Variants in SSU72 observed in about 807,000 individuals in gnomAD.
SSU72 encodes the protein RNA polymerase II subunit A C-terminal domain phosphatase SSU72.
A neutral mutation model predicts 22.7 loss-of-function variants in SSU72; 12 were observed. That is an observed-to-expected ratio of 0.53 (90% CI 0.34 to 0.86). The LOEUF is 0.86. SSU72 is among the 40% of genes least tolerant of loss of function. The pLI is 0.02. For synonymous variants in SSU72, 116 were observed against 98.3 expected (o/e 1.18, Z -1.06); for missense variants, 151 against 249.8 (o/e 0.60, Z 2.67).
At chr1:1,573,439 A>G (rs61686644) in intron 1 of SSU72, among the ~76,000 whole-genome samples, 6 of 45,632 alleles carry the variant, frequency 1.3e-4, no homozygotes, top group East Asian at 0.01. Context: ...CAAAAAAAAA[A>G]AAAAAAAAAA....
At position 1,553,593 on chromosome 1, in the gene SSU72, G is replaced by T. The variant is rs562259913; in HGVS notation, c.225-8591C>A. Among the ~76,000 whole-genome samples, 162 of 145,340 alleles carry T rather than the reference G, an allele frequency of 1.1e-3. 2 individuals are homozygous for T. Among genetic ancestry groups the T allele is most frequent in the Non-Finnish European group, 1.9e-3 (127 of 67,206 alleles). On this transcript the variant is annotated intron_variant, in intron 2 of 4. Coordinates refer to ENST00000291386, the MANE Select transcript of SSU72 (RefSeq NM_014188.3). The stretch of plus-strand genomic sequence containing the variant: ...GATCGAGACCATCCTGGCTAACACG[G>T]TGAAACCCTGTCTCTACTAAAAATA...
intron 4 of SSU72, among the ~76,000 whole-genome samples, chr1:1,543,425 T>C (rs1193502324): frequency 6.6e-6 from 1 of 152,184 alleles, no homozygotes; most frequent in Non-Finnish European, 1.5e-5. Context: ...ACTAAGCCTG[T>C]GTTGGGGAGG....
chr1:1,563,215 T>C (rs1642617287), intron 2 of SSU72: 1 of 152,194 alleles, frequency 6.6e-6, no homozygotes, highest in South Asian at 2.1e-4. Context: ...AATCTACCTG[T>C]GTATAAGAAT....
chr1:1,542,270 C>A lies in SSU72; in HGVS notation c.484-103G>T, dbSNP rs1360862993. On this transcript the variant is annotated intron_variant, in intron 4 of 4. Transcript: ENST00000291386. This position sits in a 1 kb window ranked among gnomAD's most constrained non-coding sequence, Gnocchi z 4.4. ...AACGCCAGGCCTGAGCCAGCAGAAA[C>A]CAGCGCAGCAGGCAGGCCCTCACCC... 1.1e-5 allele frequency: 13 copies of A among 1,146,642 alleles called. No homozygotes were observed. The highest frequency in any genetic ancestry group is 1.4e-5 in the Non-Finnish European group (11 of 793,648). 71.0% of individuals were successfully genotyped at this position (1,146,642 alleles called of 1,614,324 possible). A position where few individuals can be genotyped will look rare whatever the true frequency, so the allele number is the denominator to read the frequency against.
intron 1 of SSU72, among the ~76,000 whole-genome samples, chr1:1,569,169 G>T (rs750329886): frequency 3.3e-5 from 5 of 150,228 alleles, no homozygotes; most frequent in Non-Finnish European, 5.9e-5. Flanking sequence ...ATGAGACTCC[G>T]TCTCAAAAAA....
chr1:1,560,666 T>G (rs1181745279), intron 2 of SSU72, among the ~76,000 whole-genome samples: 1 of 152,162 alleles, frequency 6.6e-6, no homozygotes, highest in African/African-American at 2.4e-5. Context: ...GCAGGCAACC[T>G]CACAGAAAGT....
At chr1:1,568,479 CTGTAA>C (rs1477802081) in intron 1 of SSU72, among the ~76,000 whole-genome samples, 19 of 152,108 alleles carry the variant, frequency 1.2e-4, no homozygotes, top group African/African-American at 3.6e-4. Context: ...TGGTGCGCGC[CTGTAA>C]TCCCAGTTAC....
intron 1 of SSU72, among the ~76,000 whole-genome samples, chr1:1,565,917 C>T (rs895161926): frequency 5.3e-5 from 8 of 152,156 alleles, no homozygotes; most frequent in Admixed American, 2.0e-4. Context: ...CTTCTGTCAT[C>T]GCTGACAAGC....
chr1:1,562,909 G>T (rs916145634), intron 2 of SSU72: 2 of 152,310 alleles, frequency 1.3e-5, no homozygotes, highest in Non-Finnish European at 2.9e-5. Context: ...ACAGTCCCTG[G>T]GGACTTACAC....
chr1:1,553,548 A>G (rs1642479252), intron 2 of SSU72, among the ~76,000 whole-genome samples: 1 of 151,240 alleles, frequency 6.6e-6, no homozygotes, highest in Admixed American at 6.6e-5. Flanking sequence ...GGCTGAGGCC[A>G]GCAGATCATA....
intron 2 of SSU72, chr1:1,546,444 G>C (rs1040212025): frequency 2.0e-5 from 3 of 152,122 alleles, no homozygotes; most frequent in Non-Finnish European, 4.4e-5. Context: ...ATGACACCCG[G>C]GTCCATCTCT....
At chr1:1,573,274 A>G (rs1171056124) in intron 1 of SSU72, among the ~76,000 whole-genome samples, 1 of 151,304 alleles carries the variant, frequency 6.6e-6, no homozygotes, top group Non-Finnish European at 1.5e-5. Context: ...ACAAAAAAAA[A>G]AAAAAATTAG....
At chr1:1,556,400 C>T (rs946573515) in intron 2 of SSU72, among the ~76,000 whole-genome samples, 7 of 152,142 alleles carry the variant, frequency 4.6e-5, no homozygotes, top group South Asian at 2.1e-4. Flanking sequence ...ATTAGCCGGA[C>T]GTGGTGGGGG....
In SSU72 at chr1:1,542,888, A is replaced by G. The variant is rs1642341364; in HGVS notation, c.484-721T>C. On this transcript the variant is annotated intron_variant, in intron 4 of 4. Transcript: ENST00000291386. The surrounding 1 kb of genome is among the most constrained non-coding windows in gnomAD (Gnocchi z 4.4). The stretch of plus-strand genomic sequence containing the variant: ...GGACCGTGAGGCACGTGGGGACCAG[A>G]AGCCATGCTGGGTGGGCCAGGCGGA... Among the ~76,000 whole-genome samples, 1 of 152,238 alleles carries G rather than the reference A, an allele frequency of 6.6e-6. No individual in the cohort carries two copies. The highest frequency in any genetic ancestry group is 1.5e-5 in the Non-Finnish European group (1 of 68,044).
chr1:1,567,075 G>A, intron 1 of SSU72, among the ~76,000 whole-genome samples: 1 of 152,302 alleles, frequency 6.6e-6, no homozygotes, highest in Admixed American at 6.5e-5. Flanking sequence ...CCTGCAGGAT[G>A]CCCACTGCCG....
chr1:1,549,045 G>A (rs1642425411), intron 2 of SSU72, among the ~76,000 whole-genome samples: 1 of 152,232 alleles, frequency 6.6e-6, no homozygotes, highest in African/African-American at 2.4e-5. Flanking sequence ...GGCCGAGGCA[G>A]GAGGATGCCT....
At chr1:1,564,402 G>A (rs1158055150) in intron 2 of SSU72, 17 of 1,385,080 alleles carry the variant, frequency 1.2e-5, no homozygotes, top group East Asian at 2.5e-5. Context: ...ACGCACACAC[G>A]CACGCACACC....
intron 2 of SSU72, chr1:1,562,491 G>A (rs946599070): frequency 3.3e-5 from 5 of 152,104 alleles, no homozygotes; most frequent in Non-Finnish European, 7.3e-5. Flanking sequence ...GTCATGCACC[G>A]CCTAAGACTC....
Position 1,541,756 on chromosome 1 carries a change from A to T in SSU72, c.*310T>A. 2 of 382,822 alleles carry T rather than the reference A, an allele frequency of 5.2e-6. No homozygotes were observed. The highest frequency in any genetic ancestry group is 4.4e-5 in the South Asian group (2 of 44,986). 23.7% of individuals were successfully genotyped at this position (382,822 alleles called of 1,614,324 possible). A position where few individuals can be genotyped will look rare whatever the true frequency, so the allele number is the denominator to read the frequency against. On this transcript the variant is annotated 3_prime_UTR_variant, in exon 5 of 5. Transcript: ENST00000291386. Reference sequence around the variant, plus strand: ...CTCTGTACAGTCCGGCCCGGTGGGGAGGAGGGAGGGAAGGCAGGCACACGA... The same window carrying T: ...CTCTGTACAGTCCGGCCCGGTGGGGTGGAGGGAGGGAAGGCAGGCACACGA...
Sources: allele counts gnomAD v4.1 joint callset (sites outside exome capture counted in the v4.1 genomes callset), GRCh38; gene constraint gnomAD v4.1.1; non-coding constraint Gnocchi (gnomAD v3.1); transcripts MANE v1.5; gene names NCBI Gene and HGNC (gene_info 2026-07-23, HGNC 2026-07-21).